The following CEP350 variants were observed in gnomAD, a reference collection of about 807,000 sequenced individuals.
The protein encoded by CEP350 is centrosome-associated protein 350.
A neutral mutation model predicts 331.8 loss-of-function variants in CEP350; 126 were observed. The ratio of observed to expected loss-of-function variants is 0.38; its 90% CI spans 0.33 to 0.44. The LOEUF is 0.44. Ranked by LOEUF, CEP350 falls within the 20% of genes least tolerant of loss-of-function variation. The pLI is 1.00. For missense variants in CEP350, 3,406 were observed against 3,634.6 expected (o/e 0.94, Z 1.62); for synonymous variants, 1,200 against 1,259.5 (o/e 0.95, Z 1.00).
chr1:180,052,185 C>T (rs1269576745), intron 22 of CEP350: 1 of 453,970 alleles, frequency 2.2e-6, no homozygotes, highest in East Asian at 7.0e-5. Flanking sequence ...ACAAGGACAA[C>T]TAGTGCCTAC....
intron 1 of CEP350, among the ~76,000 whole-genome samples, chr1:179,974,970 G>A (rs1313342216): frequency 6.6e-6 from 1 of 151,870 alleles, no homozygotes; most frequent in Admixed American, 6.6e-5. Flanking sequence ...CAGCCTGGGT[G>A]ACAGAGCAAG....
chr1:179,964,779 T>G (rs537411232), intron 1 of CEP350, among the ~76,000 whole-genome samples: 1 of 151,552 alleles, frequency 6.6e-6, no homozygotes, highest in Non-Finnish European at 1.5e-5. Context: ...TTTTTTTTTT[T>G]AATTTACTTA....
At position 179,996,689 on chromosome 1, in the gene CEP350, A is replaced by G. The variant is rs1301956626; in HGVS notation, c.532A>G (p.Ser178Gly). 6.2e-7 allele frequency: 1 copy of G among 1,613,596 alleles called. No individual in the cohort carries two copies. Among genetic ancestry groups the G allele is most frequent in the African/African-American group, 1.3e-5 (1 of 74,912 alleles). Residue 178 changes from serine to glycine, a missense_variant, in exon 6 of 38, where the codon AGC (serine) becomes GGC (glycine). This residue lies in a region of CEP350 where 1,857 missense variants were observed against 1,909.2 expected (regional missense o/e 0.97). Coordinates refer to ENST00000367607, the MANE Select transcript of CEP350 (RefSeq NM_014810.5). ...CAGTCGAGAAGAACGGAATATACGG[A>G]GCTGTGATTTTGAGAGCTCCCAATC... ...IGSREERNIR[S>G]CDFESSQSSV...
intron 1 of CEP350, among the ~76,000 whole-genome samples, chr1:179,961,248 C>T (rs1650588215): frequency 6.6e-6 from 1 of 152,008 alleles, no homozygotes; most frequent in Non-Finnish European, 1.5e-5. Context: ...GAGTTCAAGA[C>T]CAACCTGGCC....
At chr1:179,969,973 A>G (rs183835829) in intron 1 of CEP350, among the ~76,000 whole-genome samples, 2 of 152,302 alleles carry the variant, frequency 1.3e-5, no homozygotes, top group South Asian at 2.1e-4. Context: ...TTTTGTAGAT[A>G]TATTCCTTGA....
intron 37 of CEP350, among the ~76,000 whole-genome samples, chr1:180,100,839 T>A (rs530580383): frequency 6.6e-6 from 1 of 152,314 alleles, no homozygotes; most frequent in South Asian, 2.1e-4. Context: ...TCAGATCTTG[T>A]GAGACTTAAT....
chr1:179,969,176 G>T, intron 1 of CEP350: 1 of 585,200 alleles, frequency 1.7e-6, no homozygotes, highest in South Asian at 1.5e-5. Context: ...GGCCGGGGAA[G>T]TTCTGTGTGT....
intron 25 of CEP350, 138 bp downstream of exon 25, chr1:180,054,640 C>A: frequency 1.6e-6 from 1 of 638,968 alleles, no homozygotes; most frequent in South Asian, 1.9e-5. Context: ...TATGTTCATA[C>A]TACTATAATT....
rs1323004343 is a variant in CEP350 at position 180,093,154 on chromosome 1, T to C, written c.7049T>C (p.Ile2350Thr). The change falls in exon 34 of 38, where the codon ATT becomes ACT. Residue 2350 changes from isoleucine (I) to threonine (T), a missense_variant. Coordinates refer to ENST00000367607, the MANE Select transcript of CEP350 (RefSeq NM_014810.5). ...HSPNIQSGKD[I>T]HEQKNTKEKD... ...CCAAACATCCAATCAGGAAAAGACATTCACGAACAAAAGAACACAAAGGAA... is the reference window on the plus strand; with the variant it reads ...CCAAACATCCAATCAGGAAAAGACACTCACGAACAAAAGAACACAAAGGAA... 6.3e-6 allele frequency: 10 copies of C among 1,599,476 alleles called. No individual in the cohort carries two copies. The highest frequency in any genetic ancestry group is 1.7e-5 in the Admixed American group (1 of 57,366).
intron 8 of CEP350, among the ~76,000 whole-genome samples, chr1:180,007,744 C>T (rs188286903): frequency 1.5e-4 from 22 of 151,486 alleles, no homozygotes; most frequent in Admixed American, 9.9e-4. Context: ...TTAGGTCTTA[C>T]GTTTAAGTCT....
chr1:179,955,157 G>T lies in CEP350; in HGVS notation c.-14+15G>T. ...GACACTCTCAGGTGAGCTCCTGTAG[G>T]ACCTGGCTGGGACCGCGGAGTCTCG... On this transcript the variant is annotated intron_variant, in intron 1 of 37. Coordinates refer to ENST00000367607, the MANE Select transcript of CEP350 (RefSeq NM_014810.5). 1 of 1,432,494 alleles carries T rather than the reference G, an allele frequency of 7.0e-7. No homozygotes were observed. Among genetic ancestry groups the T allele is most frequent in the South Asian group, 1.3e-5 (1 of 78,374 alleles). 88.7% of individuals were successfully genotyped at this position (1,432,494 alleles called of 1,614,324 possible).
intron 30 of CEP350, among the ~76,000 whole-genome samples, chr1:180,082,799 G>A (rs1236056005): frequency 6.6e-6 from 1 of 151,904 alleles, no homozygotes; most frequent in Non-Finnish European, 1.5e-5. Flanking sequence ...TTATTTTGGG[G>A]GCAAAATTGA....
In CEP350 at chr1:179,993,616, G is replaced by T. The variant is rs1055718079; in HGVS notation, c.395+1395G>T. Among the ~76,000 whole-genome samples, 8 of 151,962 alleles carry T rather than the reference G, an allele frequency of 5.3e-5. No homozygotes were observed. The East Asian group carries it at 1.5e-3, about 29-fold the overall frequency. ...TTTTTGTATTTTTGGTAGAGGCGGG[G>T]TTTCACCATATTGCCCAGGGTGGTC... is the stretch of plus-strand genomic sequence containing the variant. On this transcript the variant is annotated intron_variant, in intron 5 of 37. Transcript: ENST00000367607.
At chr1:179,975,325 T>C (rs1322372049) in intron 1 of CEP350, among the ~76,000 whole-genome samples, 1 of 152,194 alleles carries the variant, frequency 6.6e-6, no homozygotes. Context: ...CTAAGGAGTT[T>C]GGAGCTCTGT....
At chr1:179,995,792 G>A (rs144421644) in intron 5 of CEP350, among the ~76,000 whole-genome samples, 23 of 152,288 alleles carry the variant, frequency 1.5e-4, no homozygotes, top group Non-Finnish European at 2.4e-4. Flanking sequence ...TACAAAGTTT[G>A]AAGCTGCCAA....
chr1:180,076,942 A>G (rs988670368), intron 28 of CEP350, among the ~76,000 whole-genome samples: 1 of 152,328 alleles, frequency 6.6e-6, no homozygotes, highest in Middle Eastern at 3.4e-3. Flanking sequence ...TTAATGATAA[A>G]ATATAGAAAG....
At position 180,053,845 on chromosome 1, in the gene CEP350, A is replaced by C; in HGVS notation, c.5085A>C (p.Ala1695=). ...ATATGAAAGAGGAAGAAATGAGGGC[A>C]GCTCACCAGTCTTCACTCCTGCGTC... The part of the protein sequence containing the change: ...RQYMKEEEMR[A]AHQSSLLRLR... Residue 1695 remains alanine, a synonymous_variant, in exon 24 of 38, where the codon GCA becomes GCC. Coordinates refer to ENST00000367607, the MANE Select transcript of CEP350 (RefSeq NM_014810.5). The C allele has an allele frequency of 6.2e-7, 1 of 1,612,648 alleles. No individual in the cohort carries two copies. Among genetic ancestry groups the C allele is most frequent in the Non-Finnish European group, 8.5e-7 (1 of 1,178,932 alleles).
intron 16 of CEP350, among the ~76,000 whole-genome samples, chr1:180,035,153 A>G (rs1432158919): frequency 6.6e-6 from 1 of 152,260 alleles, no homozygotes; most frequent in Non-Finnish European, 1.5e-5. Flanking sequence ...AATCTAGAGC[A>G]AGACCCTAAT....
At chr1:180,073,719 C>G in intron 27 of CEP350, 78 of 1,204,188 alleles carry the variant, frequency 6.5e-5, no homozygotes, top group Non-Finnish European at 7.8e-5. Context: ...AGCTCTTACG[C>G]TTTCCCTTTC....
Sources: gnomAD v4.1 joint callset for allele counts (sites outside exome capture counted in the v4.1 genomes callset) on GRCh38, gnomAD v4.1.1 for gene constraint, gnomAD v4.1.1 regional missense constraint, MANE v1.5 for transcripts, NCBI Gene and HGNC (gene_info 2026-07-23, HGNC 2026-07-21) for gene names.